Variants in RCOR1 observed in about 807,000 individuals in gnomAD.
The protein encoded by RCOR1 is REST corepressor.
Under a neutral mutation model 64.0 loss-of-function variants are expected in RCOR1, and 12 were observed. The observed-to-expected ratio is 0.19, with a 90% CI of 0.12 to 0.30. The LOEUF (loss-of-function observed/expected upper bound fraction) is 0.30. Among genes scored for constraint, RCOR1 ranks in the 10% least tolerant of loss-of-function variants. The probability of loss-of-function intolerance (pLI) is 1.00; values close to 1 mark genes in which losing one functional copy is unlikely to be tolerated. For synonymous variants in RCOR1, 279 were observed against 227.2 expected (o/e 1.23, Z -2.05); for missense variants, 502 against 621.2 (o/e 0.81, Z 2.04).
intron 3 of RCOR1, among the ~76,000 whole-genome samples, chr14:102,693,531 C>T (rs1021208297): frequency 4.1e-4 from 62 of 152,258 alleles, no homozygotes; most frequent in African/African-American, 1.4e-3. Context: ...ACATTGCAAA[C>T]AGTGGGACTT....
chr14:102,695,727 T>G (rs1427388903), intron 3 of RCOR1, among the ~76,000 whole-genome samples: 1 of 151,620 alleles, frequency 6.6e-6, no homozygotes, highest in Non-Finnish European at 1.5e-5. Context: ...TTTTTTTTTT[T>G]TTTAGTAGAG....
chr14:102,639,764 C>T (rs1894327040), intron 2 of RCOR1, among the ~76,000 whole-genome samples: 1 of 151,722 alleles, frequency 6.6e-6, no homozygotes, highest in Non-Finnish European at 1.5e-5. Flanking sequence ...AACTCCCAGC[C>T]TCAGAAGATC....
intron 2 of RCOR1, among the ~76,000 whole-genome samples, chr14:102,601,946 A>C: frequency 6.6e-6 from 1 of 151,866 alleles, no homozygotes; most frequent in East Asian, 1.9e-4. Context: ...ATCACCTGAG[A>C]TCAGGAGTTC....
At chr14:102,651,382 G>A (rs970033373) in intron 2 of RCOR1, among the ~76,000 whole-genome samples, 15 of 151,842 alleles carry the variant, frequency 9.9e-5, no homozygotes, top group Non-Finnish European at 1.3e-4. Flanking sequence ...GTGAAACCCC[G>A]TCTCTACTAA....
intron 2 of RCOR1, among the ~76,000 whole-genome samples, chr14:102,599,460 T>A (rs191634713): frequency 1.1e-4 from 16 of 152,306 alleles, no homozygotes; most frequent in African/African-American, 2.2e-4. Flanking sequence ...TAATTTTTTT[T>A]ATTCTCTTTA....
chr14:102,647,909 C>T (rs917414085), intron 2 of RCOR1, among the ~76,000 whole-genome samples: 1 of 151,396 alleles, frequency 6.6e-6, no homozygotes, highest in African/African-American at 2.4e-5. Flanking sequence ...AAACTTCTGA[C>T]CTCAAGTGAG....
At chr14:102,627,993 G>A (rs1193018801) in intron 2 of RCOR1, among the ~76,000 whole-genome samples, 2 of 151,064 alleles carry the variant, frequency 1.3e-5, no homozygotes, top group Admixed American at 6.6e-5. Context: ...AAAATTGACC[G>A]ACATGACTGT....
intron 2 of RCOR1, among the ~76,000 whole-genome samples, chr14:102,597,153 G>A (rs998349920): frequency 1.3e-5 from 2 of 152,094 alleles, no homozygotes; most frequent in Admixed American, 6.6e-5. Context: ...GATTACAGGC[G>A]TGAGCCACCA....
intron 3 of RCOR1, among the ~76,000 whole-genome samples, chr14:102,698,981 C>T (rs945544414): frequency 1.9e-4 from 29 of 152,058 alleles, no homozygotes; most frequent in Admixed American, 5.2e-4. Context: ...TTCAGTGGCA[C>T]GATCTTGGCT....
chr14:102,604,517 T>G (rs1293850538), intron 2 of RCOR1, among the ~76,000 whole-genome samples: 1 of 152,198 alleles, frequency 6.6e-6, no homozygotes, highest in Non-Finnish European at 1.5e-5. Flanking sequence ...AACAGTCATA[T>G]GATGTAAAGT....
rs545914199 is a variant in RCOR1 at position 102,652,050 on chromosome 14, C to T, written c.362-29845C>T. 4.6e-5 allele frequency among the ~76,000 whole-genome samples: 7 copies of T among 152,278 alleles called. No homozygotes were observed. In the East Asian group the frequency reaches 1.3e-3, roughly 29 times the overall value. On this transcript the variant is annotated intron_variant, in intron 2 of 11. Coordinates refer to ENST00000262241, the MANE Select transcript of RCOR1 (RefSeq NM_015156.4). ...GTTTTATTTTTGTTTATTTAATTTG[C>T]TAAATCTGCTTTAGATATGAGCCTT...
At chr14:102,625,577 C>T (rs1893964957) in intron 2 of RCOR1, among the ~76,000 whole-genome samples, 1 of 151,196 alleles carries the variant, frequency 6.6e-6, no homozygotes, top group Non-Finnish European at 1.5e-5. Flanking sequence ...ACTATGTTGG[C>T]CAGGTTGGTC....
intron 2 of RCOR1, chr14:102,655,950 GTCAC>G: frequency 2.1e-6 from 1 of 482,952 alleles, no homozygotes; most frequent in Non-Finnish European, 2.4e-6. Context: ...GAGACTTTTT[GTCAC>G]ACACACACAC....
chr14:102,625,388 A>G (rs1225061136), intron 2 of RCOR1, among the ~76,000 whole-genome samples: 1 of 151,580 alleles, frequency 6.6e-6, no homozygotes, highest in African/African-American at 2.4e-5. Context: ...GGCATGCGCT[A>G]CTATGCCCGG....
chr14:102,607,335 A>G (rs936698458), intron 2 of RCOR1, among the ~76,000 whole-genome samples: 2 of 152,206 alleles, frequency 1.3e-5, no homozygotes, highest in African/African-American at 4.8e-5. Context: ...TTAAAAGCTG[A>G]TTATCCCTAT....
intron 2 of RCOR1, among the ~76,000 whole-genome samples, chr14:102,640,703 G>A (rs746455744): frequency 6.6e-6 from 1 of 152,218 alleles, no homozygotes; most frequent in South Asian, 2.1e-4. Context: ...GGCTGGACAC[G>A]TTGGCTCACG....
chr14:102,627,539 C>T (rs1408500641), intron 2 of RCOR1, among the ~76,000 whole-genome samples: 2 of 151,936 alleles, frequency 1.3e-5, no homozygotes, highest in Non-Finnish European at 2.9e-5. Flanking sequence ...TGCCTGTAAT[C>T]CCAGTTACTC....
intron 3 of RCOR1, among the ~76,000 whole-genome samples, chr14:102,686,251 TTTC>T (rs1237310606): frequency 1.3e-5 from 2 of 152,192 alleles, no homozygotes; most frequent in African/African-American, 4.8e-5. Context: ...CCTTAATACA[TTTC>T]TTATTTTCTT....
chr14:102,618,264 A>G (rs1211610052), intron 2 of RCOR1, among the ~76,000 whole-genome samples: 2 of 151,788 alleles, frequency 1.3e-5, no homozygotes, highest in Admixed American at 6.6e-5. Flanking sequence ...GTCGTGAGCC[A>G]CTGTGCCTGT....
Sources: gnomAD v4.1 joint callset for allele counts (sites outside exome capture counted in the v4.1 genomes callset) on GRCh38, gnomAD v4.1.1 for gene constraint, MANE v1.5 for transcripts, NCBI Gene and HGNC (gene_info 2026-07-23, HGNC 2026-07-21) for gene names.